Variants in ACBD6 observed in about 807,000 individuals in gnomAD.
ACBD6 encodes the protein acyl-CoA binding domain containing 6.
Under a neutral mutation model 37.2 loss-of-function variants are expected in ACBD6, and 28 were observed. The observed-to-expected ratio is 0.75, with a 90% confidence interval of 0.56 to 1.03. The LOEUF (loss-of-function observed/expected upper bound fraction) is 1.03, where lower values mean the gene tolerates loss of function less well. ACBD6 is among the 50% of genes least tolerant of loss of function. The pLI, the probability that ACBD6 is intolerant of heterozygous loss-of-function variation, is 0.00. For missense variants in ACBD6, 340 were observed against 337.4 expected (o/e 1.01, Z -0.06); for synonymous variants, 113 against 126.8 (o/e 0.89, Z 0.73).
rs751414597 is a variant in ACBD6, at chr1:180,495,421, A to G, written c.287+40T>C. 8 of 1,470,476 alleles carry G rather than the reference A, an allele frequency of 5.4e-6. No individual in the cohort carries two copies. In the East Asian group the frequency reaches 1.6e-4, roughly 29 times the overall value. 91.1% of individuals were successfully genotyped at this position (1,470,476 alleles called of 1,614,324 possible). ...TTTCTAATTCCTAAACACCTAAGCC[A>G]TTTCCAACAACCTCATTAAAGATTC... is the stretch of plus-strand genomic sequence containing the variant. On this transcript the variant is annotated intron_variant, in intron 2 of 7. Coordinates refer to ENST00000367595, the MANE Select transcript of ACBD6 (RefSeq NM_032360.4).
At chr1:180,422,670 T>C (rs577711992) in intron 4 of ACBD6, among the ~76,000 whole-genome samples, 1 of 152,342 alleles carries the variant, frequency 6.6e-6, no homozygotes, top group South Asian at 2.1e-4. Flanking sequence ...ACTTCCAGCA[T>C]CACTAGTGGT....
intron 3 of ACBD6, among the ~76,000 whole-genome samples, chr1:180,472,163 A>T (rs1435404207): frequency 6.6e-6 from 1 of 152,202 alleles, no homozygotes; most frequent in African/African-American, 2.4e-5. Flanking sequence ...CAGTCCCACT[A>T]TAGTGTCAAA....
intron 3 of ACBD6, among the ~76,000 whole-genome samples, chr1:180,466,680 CA>C (rs543491215): frequency 3.2e-4 from 49 of 152,226 alleles, no homozygotes; most frequent in African/African-American, 1.2e-3. Context: ...TGCCTATGCA[CA>C]AAATGTCCAT....
At chr1:180,354,565 T>TA (rs1652549256) in intron 6 of ACBD6, among the ~76,000 whole-genome samples, 1 of 152,202 alleles carries the variant, frequency 6.6e-6, no homozygotes, top group Non-Finnish European at 1.5e-5. Flanking sequence ...AAAAAAAAGT[T>TA]AAATAAGCTG....
chr1:180,447,086 C>G (rs567841876), intron 3 of ACBD6, among the ~76,000 whole-genome samples: 1 of 152,062 alleles, frequency 6.6e-6, no homozygotes, highest in Non-Finnish European at 1.5e-5. Context: ...AATGTCAGTT[C>G]TCTAGAAATG....
chr1:180,437,830 A>G (rs1319283265), intron 3 of ACBD6, among the ~76,000 whole-genome samples: 2 of 152,194 alleles, frequency 1.3e-5, no homozygotes, highest in Non-Finnish European at 2.9e-5. Flanking sequence ...GGCCCTTTGA[A>G]TAAAGACAAA....
intron 3 of ACBD6, among the ~76,000 whole-genome samples, chr1:180,436,531 C>T (rs544280956): frequency 2.0e-5 from 3 of 152,098 alleles, no homozygotes; most frequent in African/African-American, 7.2e-5. Context: ...TTCCTTCTTG[C>T]GTTGTGTTTT....
intron 3 of ACBD6, among the ~76,000 whole-genome samples, chr1:180,462,121 A>T (rs974687709): frequency 6.6e-6 from 1 of 152,168 alleles, no homozygotes; most frequent in Admixed American, 6.5e-5. Context: ...CTGTAGTCCC[A>T]GCTATTTAGG....
intron 7 of ACBD6, among the ~76,000 whole-genome samples, chr1:180,296,316 TA>T (rs1187060423): frequency 1.3e-5 from 2 of 152,160 alleles, no homozygotes; most frequent in African/African-American, 4.8e-5. Flanking sequence ...CTCCATAAAA[TA>T]AAAGTGCAAG....
rs375216188 is a variant in ACBD6 at position 180,272,004 on chromosome 1, G to A, written c.*1254-33C>T. The stretch of plus-strand genomic sequence containing the variant: ...GTTAGTGACAGTGAGCTGAGCTTCC[G>A]AGGTGAGCAGGGCTGGAGGGGCCAG... On this transcript the variant is annotated intron_variant, in intron 13 of 13. Coordinates refer to the ACBD6 transcript ENST00000642319. 94 of 1,611,998 alleles carry A rather than the reference G, an allele frequency of 5.8e-5. No homozygotes were observed. Among genetic ancestry groups the A allele is most frequent in the African/African-American group, 3.9e-4 (29 of 74,870 alleles).
intron 3 of ACBD6, among the ~76,000 whole-genome samples, chr1:180,475,476 T>C (rs1298204207): frequency 6.6e-6 from 1 of 152,168 alleles, no homozygotes; most frequent in African/African-American, 2.4e-5. Flanking sequence ...AGCCTCAACC[T>C]CCTGGGCTCA....
intron 4 of ACBD6, among the ~76,000 whole-genome samples, chr1:180,429,039 A>G (rs1449153887): frequency 6.6e-6 from 1 of 152,170 alleles, no homozygotes; most frequent in Admixed American, 6.5e-5. Context: ...TTCACTGAAG[A>G]TCTACTAAGT....
intron 3 of ACBD6, among the ~76,000 whole-genome samples, chr1:180,488,099 TG>T (rs1651346243): frequency 6.7e-6 from 1 of 149,438 alleles, no homozygotes; most frequent in Admixed American, 6.7e-5. Flanking sequence ...TATTTGTGTG[TG>T]TGTTGTGTGT....
At chr1:180,443,591 C>T (rs1038932823) in intron 3 of ACBD6, among the ~76,000 whole-genome samples, 3 of 151,928 alleles carry the variant, frequency 2.0e-5, no homozygotes, top group South Asian at 2.1e-4. Flanking sequence ...TGGGACGCAC[C>T]TGCAAGGCAC....
rs373701303 is a variant in ACBD6 at position 180,426,315 on chromosome 1, A to T, written c.467+3865T>A. ...GGGTACTGTTCAATCTTCATTTACT[A>T]CATTTTTAATTCTTACCCTAATTTC... On this transcript the variant is annotated intron_variant, in intron 4 of 7. Transcript: ENST00000367595. Among the ~76,000 whole-genome samples the T allele has an allele frequency of 1.4e-4, 22 of 152,322 alleles. 1 individual carries two copies. The South Asian group carries it at 4.6e-3, about 32-fold the overall frequency.
At chr1:180,274,335 TC>T (rs1396678529) in intron 10 of ACBD6, 1 of 1,614,146 alleles carries the variant, frequency 6.2e-7, no homozygotes, top group Admixed American at 1.7e-5. Flanking sequence ...CCCTATGGAA[TC>T]CCCCAGTCTC....
chr1:180,384,323 C>T (rs181934694), intron 6 of ACBD6, among the ~76,000 whole-genome samples: 127 of 151,836 alleles, frequency 8.4e-4, no homozygotes, highest in Non-Finnish European at 1.6e-3. Context: ...AAATAATAAT[C>T]CTATTAAAAA....
At chr1:180,288,836 A>G (rs1403807792) in intron 7 of ACBD6, among the ~76,000 whole-genome samples, 1 of 152,180 alleles carries the variant, frequency 6.6e-6, no homozygotes, top group East Asian at 1.9e-4. Context: ...GTATTTAAGT[A>G]TCTATTTTAC....
At chr1:180,394,287 AC>A (rs1352263647) in intron 6 of ACBD6, among the ~76,000 whole-genome samples, 1 of 151,800 alleles carries the variant, frequency 6.6e-6, no homozygotes, top group East Asian at 1.9e-4. Flanking sequence ...ATGGGGTCTC[AC>A]TATGTTGCCC....
Sources: allele counts gnomAD v4.1 joint callset (sites outside exome capture counted in the v4.1 genomes callset), GRCh38; gene constraint gnomAD v4.1.1; transcripts MANE v1.5; gene names NCBI Gene and HGNC (gene_info 2026-07-23, HGNC 2026-07-21).